Variants in FOXP2 observed in about 807,000 individuals in gnomAD.
The protein encoded by FOXP2 is forkhead box P2.
Under a neutral mutation model 115.8 loss-of-function variants are expected in FOXP2, and 12 were observed. That is an observed-to-expected ratio of 0.10 (90% CI 0.07 to 0.17). The LOEUF is 0.17. FOXP2 is among the 10% of genes least tolerant of loss of function. FOXP2 has a pLI of 1.00. For synonymous variants in FOXP2, 328 were observed against 297.7 expected (o/e 1.10, Z -1.05); for missense variants, 629 against 843.5 (o/e 0.75, Z 3.15).
intron 1 of FOXP2, among the ~76,000 whole-genome samples, chr7:114,121,610 C>G (rs1318463316): frequency 6.6e-6 from 1 of 151,984 alleles, no homozygotes; most frequent in African/African-American, 2.4e-5. Context: ...TAAACCATGT[C>G]TGTACGACTG....
At chr7:114,186,606 G>A (rs766360261) in intron 1 of FOXP2, among the ~76,000 whole-genome samples, 1 of 152,106 alleles carries the variant, frequency 6.6e-6, no homozygotes, top group Non-Finnish European at 1.5e-5. Flanking sequence ...TCTTGTACCT[G>A]CAACTTTGCC....
Position 114,255,090 on chromosome 7 carries a change from GA to G in FOXP2, c.-101-32928del, listed in dbSNP as rs1295101771. 3.9e-5 allele frequency among the ~76,000 whole-genome samples: 6 copies of G among 152,314 alleles called. No homozygotes were observed. In the South Asian group the frequency reaches 1.2e-3, roughly 32 times the overall value. On this transcript the variant is annotated intron_variant, in intron 1 of 17. Transcript: ENST00000634411. ...CCTGTTTGCCTGGGTATCAGCAGTG[GA>G]GGCTGCAGAACAGCGAATATTGATG...
intron 3 of FOXP2, among the ~76,000 whole-genome samples, chr7:114,574,701 T>A (rs1801488283): frequency 6.6e-6 from 1 of 151,906 alleles, no homozygotes; most frequent in African/African-American, 2.4e-5. Flanking sequence ...TACACCTAAG[T>A]GAATACTGTT....
intron 14 of FOXP2, among the ~76,000 whole-genome samples, chr7:114,662,778 T>G (rs1005959): frequency 0.32 from 48,500 of 151,962 alleles, 9,589 homozygotes; most frequent in Non-Finnish European, 0.45. Context: ...GAAGTTTGAA[T>G]TTTGTTTGTT....
chr7:114,617,096 A>G (rs1803991920), intron 3 of FOXP2, among the ~76,000 whole-genome samples: 1 of 152,142 alleles, frequency 6.6e-6, no homozygotes, highest in African/African-American at 2.4e-5. Context: ...AAAAATAAAA[A>G]TTAAATTTAA....
chr7:114,609,104 C>T (rs1803491299), intron 3 of FOXP2, among the ~76,000 whole-genome samples: 1 of 151,534 alleles, frequency 6.6e-6, no homozygotes, highest in African/African-American at 2.4e-5. Context: ...TCCCAGCTGC[C>T]TGAGAGGTTG....
At position 114,353,334 on chromosome 7, in the gene FOXP2, CTTTTTTTT is replaced by C. The variant is rs138925770; in HGVS notation, c.-11+65243_-11+65250del. Among the ~76,000 whole-genome samples, 146 of 64,134 alleles carry C rather than the reference CTTTTTTTT, an allele frequency of 2.3e-3. 2 individuals are homozygous for C. Among genetic ancestry groups the C allele is most frequent in the African/African-American group, 7.6e-3 (128 of 16,934 alleles). The allele number at this position is 64,134 out of a possible 152,430, so 42.1% of individuals were successfully genotyped here. A position where few individuals can be genotyped will look rare whatever the true frequency, so the allele number is the denominator to read the frequency against. ...CATTTGTTAATCTGTATAGGAGCCT[CTTTTTTTT>C]TTTTTTTTTTTTTTTTTCACAGCTC... On this transcript the variant is annotated intron_variant, in intron 2 of 17. Transcript: ENST00000634411.
chr7:114,244,911 A>G (rs548007632), intron 1 of FOXP2, among the ~76,000 whole-genome samples: 2,218 of 151,058 alleles, frequency 0.015, 20 homozygotes, highest in Non-Finnish European at 0.023. Context: ...ACAGGCGCCC[A>G]CCATCACGCC....
At chr7:114,613,842 C>T (rs1245244341) in intron 3 of FOXP2, 1 of 151,908 alleles carries the variant, frequency 6.6e-6, no homozygotes, top group African/African-American at 2.4e-5. Context: ...GTTACCAGGC[C>T]TGACCCTGCT....
At chr7:114,353,334 CTTTTTT>C (rs138925770) in intron 2 of FOXP2, among the ~76,000 whole-genome samples, 2 of 64,114 alleles carry the variant, frequency 3.1e-5, no homozygotes, top group African/African-American at 1.2e-4. Flanking sequence ...ATAGGAGCCT[CTTTTTT>C]TTTTTTTTTT....
upstream of FOXP2, among the ~76,000 whole-genome samples, chr7:114,161,078 CA>C (rs981796169): frequency 4.6e-5 from 7 of 152,076 alleles, no homozygotes; most frequent in African/African-American, 1.7e-4. Context: ...TTCACTGACC[CA>C]AAATACTGCA....
rs555559593 is a variant in FOXP2 at position 114,238,543 on chromosome 7, T to C, written c.-101-49476T>C. On this transcript the variant is annotated intron_variant, in intron 1 of 17. Transcript: ENST00000634411. ...GTCCCAAAGATTTGGGAGGCTGAGA[T>C]GGGCAGATCATCTGAGATTGGGAAT... 4.3e-4 allele frequency among the ~76,000 whole-genome samples: 65 copies of C among 152,300 alleles called. No individual in the cohort carries two copies. In the Middle Eastern group the frequency reaches 0.014, roughly 32 times the overall value.
intron 2 of FOXP2, among the ~76,000 whole-genome samples, chr7:114,367,001 T>A (rs1393777792): frequency 2.0e-5 from 3 of 152,138 alleles, no homozygotes; most frequent in African/African-American, 7.2e-5. Flanking sequence ...ACTATTTAGA[T>A]TTTTTTGCCT....
chr7:114,184,377 G>T (rs891413667), intron 1 of FOXP2, among the ~76,000 whole-genome samples: 1 of 152,030 alleles, frequency 6.6e-6, no homozygotes, highest in African/African-American at 2.4e-5. Flanking sequence ...TTTCTATTCC[G>T]GAATTTCAGC....
At chr7:114,542,794 G>GTTTTTTT (rs201884118) in intron 3 of FOXP2, among the ~76,000 whole-genome samples, 1 of 138,940 alleles carries the variant, frequency 7.2e-6, no homozygotes, top group Non-Finnish European at 1.6e-5. Context: ...TTTGTTTTTT[G>GTTTTTTT]TTTTTTTTTT....
At chr7:114,258,473 C>CA in intron 1 of FOXP2, among the ~76,000 whole-genome samples, 1 of 152,192 alleles carries the variant, frequency 6.6e-6, no homozygotes, top group East Asian at 1.9e-4. Flanking sequence ...AGGCTAATGT[C>CA]AGAGTTCTGG....
At chr7:114,159,092 A>C (rs1457504358), upstream of FOXP2, among the ~76,000 whole-genome samples, 1 of 152,174 alleles carries the variant, frequency 6.6e-6, no homozygotes, top group East Asian at 1.9e-4. Flanking sequence ...CAAGAAAAAG[A>C]ATACAAATTG....
intron 14 of FOXP2, among the ~76,000 whole-genome samples, chr7:114,662,802 G>C (rs1806945503): frequency 6.6e-6 from 1 of 152,056 alleles, no homozygotes; most frequent in South Asian, 2.1e-4. Flanking sequence ...TAGAGAACAA[G>C]ACTGCCAAAC....
intron 1 of FOXP2, among the ~76,000 whole-genome samples, chr7:114,262,053 T>A (rs6949175): frequency 0.041 from 6,306 of 152,026 alleles, 327 homozygotes; most frequent in African/African-American, 0.12. Flanking sequence ...AGCGAGACTC[T>A]GTCTCAAAAA....
Sources: gnomAD v4.1 joint callset for allele counts (sites outside exome capture counted in the v4.1 genomes callset) on GRCh38, gnomAD v4.1.1 for gene constraint, MANE v1.5 for transcripts, NCBI Gene and HGNC (gene_info 2026-07-23, HGNC 2026-07-21) for gene names.